ANK3: variants seen among roughly 807,000 people sequenced by gnomAD.
ANK3 encodes ankyrin-3.
In ANK3, 57 loss-of-function variants were observed where a neutral mutation model predicts 370.9. That is an observed-to-expected ratio of 0.15 (90% confidence interval 0.12 to 0.19). The LOEUF (loss-of-function observed/expected upper bound fraction) is 0.19, where lower values mean the gene tolerates loss of function less well. ANK3 is among the 10% of genes least tolerant of loss of function. The pLI is 1.00. For synonymous variants in ANK3, 1,929 were observed against 1,946.3 expected (o/e 0.99, Z 0.23); for missense variants, 4,439 against 5,302.1 (o/e 0.84, Z 5.06).
chr10:60,261,999 G>A (rs1566068913), intron 6 of ANK3, 42 bp from the exon 7 acceptor site: 2 of 1,532,616 alleles, frequency 1.3e-6, no homozygotes, highest in Non-Finnish European at 1.8e-6. Context: ...ATTCCTGCCA[G>A]CCCCCTGCCT....
chr10:60,562,654 A>G (rs2077365575), intron 2 of ANK3, among the ~76,000 whole-genome samples: 1 of 152,200 alleles, frequency 6.6e-6, no homozygotes, highest in Non-Finnish European at 1.5e-5. Context: ...TTCCCTGGTG[A>G]TGACAGAGGA....
At chr10:60,398,730 C>T (rs2063294040) in intron 2 of ANK3, among the ~76,000 whole-genome samples, 1 of 152,134 alleles carries the variant, frequency 6.6e-6, no homozygotes, top group Admixed American at 6.5e-5. Context: ...CCAAACTCAA[C>T]AAATGGTCAG....
At chr10:60,348,447 T>C (rs3919830) in intron 1 of ANK3, among the ~76,000 whole-genome samples, 105,357 of 150,672 alleles carry the variant, frequency 0.7, 38,030 homozygotes, top group South Asian at 0.92. Context: ...GAGACAGCAG[T>C]AGATAGTGAC....
intron 38 of ANK3, among the ~76,000 whole-genome samples, chr10:60,064,998 C>T (rs1292954957): frequency 6.6e-6 from 1 of 152,136 alleles, no homozygotes; most frequent in Non-Finnish European, 1.5e-5. Flanking sequence ...ACAAGAGATG[C>T]TGATAGGGTT....
chr10:60,167,563 A>T (rs953853241), intron 21 of ANK3, among the ~76,000 whole-genome samples: 2 of 152,180 alleles, frequency 1.3e-5, no homozygotes, highest in African/African-American at 4.8e-5. Context: ...CACTGTCAGC[A>T]TCACTGGTAA....
intron 1 of ANK3, among the ~76,000 whole-genome samples, chr10:60,279,882 C>G (rs1200139321): frequency 6.6e-6 from 1 of 152,070 alleles, no homozygotes; most frequent in Non-Finnish European, 1.5e-5. Flanking sequence ...GATAAAATTT[C>G]CTATAAAGTA....
intron 1 of ANK3, among the ~76,000 whole-genome samples, chr10:60,289,195 C>A (rs896127399): frequency 6.6e-6 from 1 of 151,580 alleles, no homozygotes; most frequent in Non-Finnish European, 1.5e-5. Flanking sequence ...AGATTAAGAT[C>A]TCAAGGCCAG....
In ANK3 at chr10:60,154,112, T is replaced by C. The variant is rs576334075; in HGVS notation, c.2614+12479A>G. ...TATCCCTGAGAGATACAAGCAATTATGTAACATCGATTTGAAAGGCCAATT... is the reference window on the plus strand; with the variant it reads ...TATCCCTGAGAGATACAAGCAATTACGTAACATCGATTTGAAAGGCCAATT... On this transcript the variant is annotated intron_variant, in intron 23 of 43. Coordinates refer to ENST00000280772, the MANE Select transcript of ANK3 (RefSeq NM_020987.5). Among the ~76,000 whole-genome samples the C allele has an allele frequency of 2.0e-5, 3 of 152,348 alleles. No individual in the cohort carries two copies. The South Asian group carries it at 6.2e-4, about 32-fold the overall frequency.
intron 2 of ANK3, among the ~76,000 whole-genome samples, chr10:60,494,741 A>C (rs2075610122): frequency 6.6e-6 from 1 of 152,104 alleles, no homozygotes; most frequent in Non-Finnish European, 1.5e-5. Flanking sequence ...AAAATTCAGG[A>C]ATGTTATATG....
intron 35 of ANK3, 60 bp downstream of exon 35, chr10:60,082,090 C>T: frequency 1.4e-6 from 2 of 1,403,542 alleles, no homozygotes; most frequent in Non-Finnish European, 2.0e-6. Flanking sequence ...CAACTTCTGT[C>T]ATACAGATTC....
intron 1 of ANK3, among the ~76,000 whole-genome samples, chr10:60,680,948 A>G (rs890263778): frequency 6.6e-6 from 1 of 152,202 alleles, no homozygotes; most frequent in African/African-American, 2.4e-5. Flanking sequence ...AATCACTTAG[A>G]ACAGTGCCTG....
rs147641403 is a variant in ANK3 at position 60,605,530 on chromosome 10, A to G, written c.96+9656T>C. Among the ~76,000 whole-genome samples the G allele has an allele frequency of 9.2e-5, 14 of 152,342 alleles. No individual in the cohort carries two copies. The East Asian group carries it at 2.7e-3, about 29-fold the overall frequency. On this transcript the variant is annotated intron_variant, in intron 2 of 43. Coordinates refer to the ANK3 transcript ENST00000373827. ...TTTATGAACTAGTTTTAGTTTCTCT[A>G]TACTTAGTTATAGATTCTATCCATT...
In ANK3 at chr10:60,463,179, C is replaced by A. The variant is rs1399360512; in HGVS notation, c.96+152007G>T. ...TTGGCCTCCCAAAGTGCTGGGGTTA[C>A]AGGTGCAAGTCACCACACCCAGCCT... On this transcript the variant is annotated intron_variant, in intron 2 of 43. Coordinates refer to the ANK3 transcript ENST00000373827. Among the ~76,000 whole-genome samples, 6 of 152,182 alleles carry A rather than the reference C, an allele frequency of 3.9e-5. No homozygotes were observed. The East Asian group carries it at 1.2e-3, about 29-fold the overall frequency.
At chr10:60,044,994 A>C (rs961038789) in intron 42 of ANK3, among the ~76,000 whole-genome samples, 6 of 152,236 alleles carry the variant, frequency 3.9e-5, no homozygotes, top group African/African-American at 1.4e-4. Context: ...TAGGCAAAAA[A>C]ATAGATAAAA....
chr10:60,629,431 T>C (rs1019174666), intron 1 of ANK3, among the ~76,000 whole-genome samples: 7 of 152,206 alleles, frequency 4.6e-5, no homozygotes, highest in African/African-American at 1.7e-4. Flanking sequence ...TATTTTTCTT[T>C]ATTGGATCAC....
chr10:60,108,493 T>C lies in ANK3; in HGVS notation c.3173+337A>G, dbSNP rs1372967872. Among the ~76,000 whole-genome samples, 3 of 152,178 alleles carry C rather than the reference T, an allele frequency of 2.0e-5. No homozygotes were observed. The East Asian group carries it at 5.8e-4, about 29-fold the overall frequency. ...AAAAGACATGTCCCCAAAGTAGCCA[T>C]ATATTCAATGCGGTAAAATAATTCC... On this transcript the variant is annotated intron_variant, in intron 27 of 43. Coordinates refer to ENST00000280772, the MANE Select transcript of ANK3 (RefSeq NM_020987.5).
At chr10:60,521,500 T>C (rs1044487930) in intron 2 of ANK3, among the ~76,000 whole-genome samples, 2 of 152,066 alleles carry the variant, frequency 1.3e-5, no homozygotes, top group African/African-American at 2.4e-5. Context: ...GGTTAGTATC[T>C]GAGCACAAAA....
At chr10:60,678,196 T>A (rs1589014465) in intron 1 of ANK3, among the ~76,000 whole-genome samples, 1 of 152,226 alleles carries the variant, frequency 6.6e-6, no homozygotes. Context: ...AATTGAATTT[T>A]AAAATTTATT....
intron 1 of ANK3, among the ~76,000 whole-genome samples, chr10:60,641,285 A>T (rs1388797548): frequency 3.1e-4 from 47 of 150,766 alleles, no homozygotes. Flanking sequence ...AACTACTTTA[A>T]AGTTCATATG....
Sources: gnomAD v4.1 joint callset for allele counts (sites outside exome capture counted in the v4.1 genomes callset) on GRCh38, gnomAD v4.1.1 for gene constraint, MANE v1.5 for transcripts, NCBI Gene and HGNC (gene_info 2026-07-23, HGNC 2026-07-21) for gene names.